RERE: variants seen among roughly 807,000 people sequenced by gnomAD.
RERE encodes arginine-glutamic acid dipeptide repeats, also known as arginine-glutamic acid dipeptide repeats protein.
RERE carries 40 observed loss-of-function variants against 146.1 expected under a neutral mutation model. The ratio of observed to expected loss-of-function variants is 0.27; its 90% CI spans 0.21 to 0.36. RERE has a LOEUF of 0.36. Among genes scored for constraint, RERE ranks in the 10% least tolerant of loss-of-function variants. RERE has a pLI of 1.00. For missense variants in RERE, 1,933 were observed against 2,138.7 expected (o/e 0.90, Z 1.90); for synonymous variants, 1,003 against 866.0 (o/e 1.16, Z -2.78).
intron 7 of RERE, among the ~76,000 whole-genome samples, chr1:8,529,651 T>C (rs762075794): frequency 5.9e-5 from 9 of 152,034 alleles, no homozygotes; most frequent in Non-Finnish European, 8.8e-5. Context: ...GGGCAATGAA[T>C]GACCTGCCTC....
intron 12 of RERE, among the ~76,000 whole-genome samples, chr1:8,390,594 C>T (rs1642851300): frequency 6.6e-6 from 1 of 152,044 alleles, no homozygotes; most frequent in African/African-American, 2.4e-5. Flanking sequence ...AGACAGAGCC[C>T]CAGAAACCTA....
intron 12 of RERE, among the ~76,000 whole-genome samples, chr1:8,413,112 T>C (rs1377014264): frequency 6.6e-6 from 1 of 152,182 alleles, no homozygotes; most frequent in African/African-American, 2.4e-5. Flanking sequence ...TATTTATACA[T>C]GCGTGAACAC....
intron 1 of RERE, among the ~76,000 whole-genome samples, chr1:8,814,897 C>T (rs1304139333): frequency 6.6e-6 from 1 of 152,116 alleles, no homozygotes; most frequent in Admixed American, 6.5e-5. Flanking sequence ...GAAGCACAAC[C>T]AGTAACATAA....
intron 12 of RERE, among the ~76,000 whole-genome samples, chr1:8,414,194 C>T (rs968236614): frequency 9.2e-5 from 14 of 152,110 alleles, no homozygotes; most frequent in African/African-American, 3.4e-4. Flanking sequence ...ACAGCACAGG[C>T]CTGGGGTTAC....
intron 1 of RERE, among the ~76,000 whole-genome samples, chr1:8,794,419 G>T (rs1433177488): frequency 1.3e-5 from 2 of 148,774 alleles, no homozygotes; most frequent in Non-Finnish European, 3.0e-5. Context: ...AGCTAACTCT[G>T]GCTCTCTCTA....
chr1:8,421,027 A>C (rs947130278), intron 12 of RERE, among the ~76,000 whole-genome samples: 6 of 152,252 alleles, frequency 3.9e-5, no homozygotes, highest in African/African-American at 1.4e-4. Context: ...CACTAAGTAA[A>C]ATTACCGAGC....
intron 1 of RERE, among the ~76,000 whole-genome samples, chr1:8,681,383 A>G (rs1057382263): frequency 9.8e-5 from 15 of 152,326 alleles, no homozygotes; most frequent in African/African-American, 3.6e-4. Context: ...TAGAAGCCAC[A>G]GCATACCTAT....
chr1:8,695,885 C>T (rs1367915960), intron 1 of RERE, among the ~76,000 whole-genome samples: 2 of 152,056 alleles, frequency 1.3e-5, no homozygotes, highest in Non-Finnish European at 2.9e-5. Flanking sequence ...ATACAACAAG[C>T]AGAAAACAAA....
chr1:8,548,256 G>T (rs1645890701), intron 6 of RERE, among the ~76,000 whole-genome samples: 1 of 152,212 alleles, frequency 6.6e-6, no homozygotes, highest in Non-Finnish European at 1.5e-5. Flanking sequence ...AAGAGGGAAA[G>T]AAGTAGAGGA....
At chr1:8,543,736 C>CA (rs1292395086) in intron 6 of RERE, among the ~76,000 whole-genome samples, 2 of 152,140 alleles carry the variant, frequency 1.3e-5, no homozygotes, top group African/African-American at 4.8e-5. Flanking sequence ...TTCCTCACAA[C>CA]AAAAAATGTC....
chr1:8,718,902 C>G (rs545009780), intron 1 of RERE, among the ~76,000 whole-genome samples: 43 of 152,170 alleles, frequency 2.8e-4, no homozygotes, highest in Non-Finnish European at 5.3e-4. Context: ...ACAGGAAATG[C>G]TCAGTGAATG....
Position 8,360,161 on chromosome 1 carries a change from G to A in RERE, c.3346C>T (p.Pro1116Ser). ...SPPPPPRSPSPEPTVVDTPSH... is the reference protein window; with the variant it reads ...SPPPPPRSPSSEPTVVDTPSH... Reference sequence around the variant, plus strand: ...GGGGTGTCCACCACAGTGGGCTCCGGGGACGGGCTCCTTGGTGGGGGAGGG... The same window carrying A: ...GGGGTGTCCACCACAGTGGGCTCCGAGGACGGGCTCCTTGGTGGGGGAGGG... Residue 1116 changes from proline (P) to serine (S), a missense_variant, in exon 18 of 23, where the codon CCG (proline) becomes TCG (serine). By Grantham distance (74) the Pro-to-Ser change is moderately conservative. Transcript: ENST00000400908. 1 of 1,599,736 alleles carries A rather than the reference G, an allele frequency of 6.3e-7. No individual in the cohort carries two copies. The highest frequency in any genetic ancestry group is 8.5e-7 in the Non-Finnish European group (1 of 1,173,424).
intron 12 of RERE, among the ~76,000 whole-genome samples, chr1:8,367,768 C>A (rs756167027): frequency 1.3e-5 from 2 of 152,198 alleles, no homozygotes; most frequent in African/African-American, 4.8e-5. Context: ...ACTGTCCCAG[C>A]GGGCATGAGC....
At chr1:8,730,374 G>A (rs1034992254) in intron 1 of RERE, among the ~76,000 whole-genome samples, 6 of 152,028 alleles carry the variant, frequency 3.9e-5, no homozygotes, top group South Asian at 2.1e-4. Context: ...ACAGAGTCTC[G>A]CTCTGTTGCC....
At chr1:8,363,402 T>C (rs1641668916) in intron 15 of RERE, among the ~76,000 whole-genome samples, 2 of 152,194 alleles carry the variant, frequency 1.3e-5, no homozygotes, top group Admixed American at 1.3e-4. Flanking sequence ...TCTGGCTGGT[T>C]GACCTGCTCC....
intron 6 of RERE, among the ~76,000 whole-genome samples, chr1:8,546,614 G>A (rs571410298): frequency 1.3e-5 from 2 of 152,078 alleles, no homozygotes; most frequent in African/African-American, 4.8e-5. Context: ...TTGGGAGGTC[G>A]AGGTGGGCAG....
intron 12 of RERE, among the ~76,000 whole-genome samples, chr1:8,386,341 G>A (rs191591411): frequency 2.1e-4 from 32 of 151,118 alleles, no homozygotes; most frequent in African/African-American, 7.7e-4. Context: ...CTCATCCCAA[G>A]CCAAGAGATT....
Position 8,662,472 on chromosome 1 carries a change from A to C in RERE, c.-144-6031T>G, listed in dbSNP as rs186162721. On this transcript the variant is annotated intron_variant, in intron 1 of 22. Coordinates refer to ENST00000400908, the MANE Select transcript of RERE (RefSeq NM_001042681.2). ...GAGAAATCATTTGAGGCAAGGAGGCAATCATTTGAGACCAACCTGGGAAAC... is the reference window on the plus strand; with the variant it reads ...GAGAAATCATTTGAGGCAAGGAGGCCATCATTTGAGACCAACCTGGGAAAC... Among the ~76,000 whole-genome samples, 4 of 152,322 alleles carry C rather than the reference A, an allele frequency of 2.6e-5. No individual in the cohort carries two copies. The East Asian group carries it at 7.7e-4, about 29-fold the overall frequency.
chr1:8,568,863 C>CCAGA (rs543006363), intron 4 of RERE, among the ~76,000 whole-genome samples: 46 of 152,176 alleles, frequency 3.0e-4, no homozygotes, highest in African/African-American at 9.6e-4. Flanking sequence ...ATCTTTCTAT[C>CCAGA]CAGCCAGCCA....
Sources: gnomAD v4.1 joint callset for allele counts (sites outside exome capture counted in the v4.1 genomes callset) on GRCh38, gnomAD v4.1.1 for gene constraint, MANE v1.5 for transcripts, NCBI Gene and HGNC (gene_info 2026-07-23, HGNC 2026-07-21) for gene names.